The following SWAP70 variants were observed in gnomAD, a reference collection of about 807,000 sequenced individuals.
SWAP70 encodes switching B cell complex subunit SWAP70.
A neutral mutation model predicts 80.2 loss-of-function variants in SWAP70; 34 were observed. That is an observed-to-expected ratio of 0.42 (90% CI 0.32 to 0.56). The LOEUF is 0.56. SWAP70 is among the 20% of genes least tolerant of loss of function. The pLI, the probability that SWAP70 is intolerant of heterozygous loss-of-function variation, is 0.09. For missense variants in SWAP70, 578 were observed against 690.7 expected (o/e 0.84, Z 1.83); for synonymous variants, 239 against 238.5 (o/e 1.00, Z -0.02).
intron 7 of SWAP70, among the ~76,000 whole-genome samples, chr11:9,734,816 G>A (rs1019420031): frequency 2.0e-5 from 3 of 151,972 alleles, no homozygotes; most frequent in Admixed American, 1.3e-4. Flanking sequence ...ATAGAGATGA[G>A]GTTTTGCCAT....
At chr11:9,709,502 A>G (rs542344285) in intron 2 of SWAP70, among the ~76,000 whole-genome samples, 2 of 152,098 alleles carry the variant, frequency 1.3e-5, no homozygotes, top group African/African-American at 4.8e-5. Flanking sequence ...TGACACTTGA[A>G]CCCACATAGT....
intron 1 of SWAP70, among the ~76,000 whole-genome samples, chr11:9,672,032 AATAATATATTTTAT>A (rs1344714552): frequency 4.1e-5 from 5 of 120,756 alleles, no homozygotes; most frequent in African/African-American, 6.5e-5. Flanking sequence ...TATATATTTT[AATAATATATTTTAT>A]ATAATATATT....
Position 9,750,164 on chromosome 11 carries a change from C to T in SWAP70, c.*194C>T. On this transcript the variant is annotated 3_prime_UTR_variant, in exon 12 of 12. Transcript: ENST00000318950. ...AGCAGCCTGGCCAACCTGGTGAAACCCTGTCTCTACTAAAAATACAAAAAA... is the reference window on the plus strand; with the variant it reads ...AGCAGCCTGGCCAACCTGGTGAAACTCTGTCTCTACTAAAAATACAAAAAA... The T allele has an allele frequency of 2.9e-6, 1 of 347,022 alleles. No homozygotes were observed. The highest frequency in any genetic ancestry group is 5.5e-6 in the Non-Finnish European group (1 of 182,660). The allele number at this position is 347,022 out of a possible 1,614,324, so 21.5% of individuals were successfully genotyped here. A position where few individuals can be genotyped will look rare whatever the true frequency, so the allele number is the denominator to read the frequency against.
At chr11:9,718,240 C>T (rs756937425) in intron 3 of SWAP70, among the ~76,000 whole-genome samples, 2 of 152,220 alleles carry the variant, frequency 1.3e-5, no homozygotes, top group Non-Finnish European at 2.9e-5. Flanking sequence ...TGTGCTTTGA[C>T]AGCTTTTACT....
At chr11:9,725,559 ATATATATATATTTT>A (rs1851207306) in intron 4 of SWAP70, among the ~76,000 whole-genome samples, 6 of 11,850 alleles carry the variant, frequency 5.1e-4, no homozygotes, top group Admixed American at 3.9e-3. Flanking sequence ...ATATATATAT[ATATATATATATTTT>A]TTTTTTTTTT....
Position 9,748,047 on chromosome 11 carries a change from G to C in SWAP70, c.1545G>C (p.Glu515Asp). Reference sequence around the variant, plus strand: ...AGTTAGAACGGAAGCAAGCACTTGAGCAGTACGAGGTAATGAGACTTGGCC... The same window carrying C: ...AGTTAGAACGGAAGCAAGCACTTGACCAGTACGAGGTAATGAGACTTGGCC... ...QLELERKQALEQYEEVKKKLE... is the reference protein window; with the variant it reads ...QLELERKQALDQYEEVKKKLE... The change falls in exon 10 of 12, where the codon GAG becomes GAC. Residue 515 changes from glutamate to aspartate, a missense_variant. Coordinates refer to ENST00000318950, the MANE Select transcript of SWAP70 (RefSeq NM_015055.4). 6.2e-7 allele frequency: 1 copy of C among 1,614,024 alleles called. No individual in the cohort carries two copies.
rs1006692285 is a variant in SWAP70 at position 9,751,614 on chromosome 11, A to G, written c.*1644A>G. The G allele has an allele frequency of 6.6e-6, 1 of 152,264 alleles. No individual in the cohort carries two copies. The highest frequency in any genetic ancestry group is 1.5e-5 in the Non-Finnish European group (1 of 68,038). The allele number at this position is 152,264 out of a possible 1,614,324, so 9.4% of individuals were successfully genotyped here. A position where few individuals can be genotyped will look rare whatever the true frequency, so the allele number is the denominator to read the frequency against. On this transcript the variant is annotated 3_prime_UTR_variant, in exon 12 of 12. Coordinates refer to ENST00000318950, the MANE Select transcript of SWAP70 (RefSeq NM_015055.4). ...GCTAGTGCTTGCTGAGTGCATACTA[A>G]GAAAGCAATTCCAAATAGATGTATA...
At chr11:9,719,800 C>G (rs1851112799) in intron 3 of SWAP70, among the ~76,000 whole-genome samples, 1 of 152,140 alleles carries the variant, frequency 6.6e-6, no homozygotes, top group Non-Finnish European at 1.5e-5. Context: ...GGATGTGTCT[C>G]TTGTGTACCT....
chr11:9,694,709 G>A lies in SWAP70; in HGVS notation c.240+423G>A, dbSNP rs145715179. Among the ~76,000 whole-genome samples the A allele has an allele frequency of 3.0e-3, 462 of 152,208 alleles. 3 individuals are homozygous for A. The highest frequency in any genetic ancestry group is 0.011 in the African/African-American group (436 of 41,516). ...TTACACGGCCAACAAACATGAAAAA[G>A]CTCAACATCACTGATCATCAGAGAA... On this transcript the variant is annotated intron_variant, in intron 2 of 11. Transcript: ENST00000318950.
At position 9,664,131 on chromosome 11, in the gene SWAP70, G is replaced by A; in HGVS notation, c.-49G>A. On this transcript the variant is annotated 5_prime_UTR_variant, in exon 1 of 12. Transcript: ENST00000318950. ...GAGGTTGAGGGGCGTCCGAGGCGCG[G>A]AGGGGCTGGCTGGGCAGGAGGGGTT... 4.0e-6 allele frequency: 6 copies of A among 1,517,150 alleles called. No homozygotes were observed. The highest frequency in any genetic ancestry group is 5.3e-6 in the Non-Finnish European group (6 of 1,130,094). The allele number at this position is 1,517,150 out of a possible 1,614,324, so 94.0% of individuals were successfully genotyped here. A position where few individuals can be genotyped will look rare whatever the true frequency, so the allele number is the denominator to read the frequency against.
intron 2 of SWAP70, among the ~76,000 whole-genome samples, chr11:9,709,577 T>A (rs895139621): frequency 6.6e-6 from 1 of 152,164 alleles, no homozygotes; most frequent in Non-Finnish European, 1.5e-5. Context: ...TAGGCTGGCA[T>A]GTAGTAGTGC....
chr11:9,717,207 T>C (rs573482168), intron 3 of SWAP70, among the ~76,000 whole-genome samples: 69 of 152,322 alleles, frequency 4.5e-4, no homozygotes, highest in Admixed American at 2.2e-3. Flanking sequence ...TAAAACATGC[T>C]ATGAAATTTT....
At chr11:9,713,664 T>C (rs754651875) in intron 3 of SWAP70, 25 bp downstream of exon 3, 1 of 1,595,972 alleles carries the variant, frequency 6.3e-7, no homozygotes, top group Non-Finnish European at 8.5e-7. Flanking sequence ...GGGGAGTTTT[T>C]ACTTGGTCAT....
intron 2 of SWAP70, among the ~76,000 whole-genome samples, chr11:9,710,554 A>G (rs1012858049): frequency 3.3e-5 from 5 of 152,172 alleles, no homozygotes; most frequent in African/African-American, 1.2e-4. Context: ...TAGTGAAAAA[A>G]TGGTTTGTTC....
chr11:9,694,812 A>AT (rs1486499499), intron 2 of SWAP70, among the ~76,000 whole-genome samples: 19 of 152,298 alleles, frequency 1.2e-4, no homozygotes, highest in African/African-American at 4.3e-4. Flanking sequence ...GAAACAATAG[A>AT]TGCTGGCGAG....
chr11:9,664,861 C>T (rs760067255), intron 1 of SWAP70, among the ~76,000 whole-genome samples: 9 of 152,206 alleles, frequency 5.9e-5, no homozygotes, highest in Non-Finnish European at 1.0e-4. Context: ...GAAGACCTTC[C>T]GCCCAGCGTC....
chr11:9,740,250 C>T lies in SWAP70; in HGVS notation c.1258C>T (p.Arg420Trp), dbSNP rs199611519. The T allele has an allele frequency of 8.3e-5, 134 of 1,614,114 alleles. No homozygotes were observed. In the Middle Eastern group the frequency reaches 9.9e-4, roughly 12 times the overall value. Residue 420 changes from arginine to tryptophan, a missense_variant, in exon 9 of 12, where the codon CGG becomes TGG. Arg to Trp is a moderately radical substitution (Grantham distance 101). Transcript: ENST00000318950. ...ACTGGAACAGTATTTACAGCGAGTA[C>T]GGGAGCTGGAAGACATGTACCTAAA... ...SELEQYLQRV[R>W]ELEDMYLKLQ...
chr11:9,664,256 A>G lies in SWAP70; in HGVS notation c.77A>G (p.Lys26Arg). The change falls in exon 1 of 12, where the codon AAG becomes AGG. Residue 26 changes from lysine (K) to arginine (R), a missense_variant. By Grantham distance (26) the Lys-to-Arg change is conservative. Coordinates refer to ENST00000318950, the MANE Select transcript of SWAP70 (RefSeq NM_015055.4). ...FTALDQDHSG[K>R]VSKSQLKVLS... ...GCACTCGACCAGGACCACAGCGGCA[A>G]GGTCTCCAAGTCCCAGCTCAAGGTG... 1 of 1,586,660 alleles carries G rather than the reference A, an allele frequency of 6.3e-7. No homozygotes were observed. Among genetic ancestry groups the G allele is most frequent in the Non-Finnish European group, 8.6e-7 (1 of 1,167,288 alleles).
intron 2 of SWAP70, among the ~76,000 whole-genome samples, chr11:9,701,724 C>T (rs1439364209): frequency 9.5e-6 from 1 of 105,782 alleles, no homozygotes; most frequent in African/African-American, 3.6e-5. Flanking sequence ...TTGGCAGAGA[C>T]ACTATTGCTG....
Sources: gnomAD v4.1 joint callset for allele counts (sites outside exome capture counted in the v4.1 genomes callset) on GRCh38, gnomAD v4.1.1 for gene constraint, MANE v1.5 for transcripts, NCBI Gene and HGNC (gene_info 2026-07-23, HGNC 2026-07-21) for gene names.